The following PCSK5 variants were observed in gnomAD, a reference collection of about 807,000 sequenced individuals.
The protein encoded by PCSK5 is prohormone convertase 5.
In PCSK5, 129 loss-of-function variants were observed where a neutral mutation model predicts 233.2. The observed-to-expected ratio is 0.55, with a 90% CI of 0.48 to 0.64. PCSK5 has a LOEUF of 0.64. Ranked by LOEUF, PCSK5 falls within the 30% of genes least tolerant of loss-of-function variation. PCSK5 has a pLI of 0.00. For missense variants in PCSK5, 2,076 were observed against 2,430.1 expected, an observed-to-expected ratio of 0.85 and a Z score of 3.06; for synonymous variants, 825 against 879.2, an observed-to-expected ratio of 0.94 and a Z score of 1.09.
intron 8 of PCSK5, among the ~76,000 whole-genome samples, chr9:76,100,904 G>C (rs1297064204): frequency 1.3e-5 from 2 of 152,002 alleles, no homozygotes; most frequent in Admixed American, 1.3e-4. Flanking sequence ...TTCAAACCAG[G>C]GCTTCCTGAT....
At chr9:76,167,427 G>A (rs551076144) in intron 12 of PCSK5, among the ~76,000 whole-genome samples, 3 of 152,268 alleles carry the variant, frequency 2.0e-5, no homozygotes, top group South Asian at 2.1e-4. Flanking sequence ...GACCATGGGA[G>A]ACCTGAGAAT....
intron 21 of PCSK5, among the ~76,000 whole-genome samples, chr9:76,230,219 A>G (rs1826034087): frequency 1.3e-5 from 2 of 152,172 alleles, no homozygotes; most frequent in African/African-American, 4.8e-5. Context: ...GCCTTCACTT[A>G]AGCATAACTG....
chr9:76,362,558 A>G lies in PCSK5; in HGVS notation c.*3636A>G, dbSNP rs1046147845. Among the ~76,000 whole-genome samples, 1 of 152,162 alleles carries G rather than the reference A, an allele frequency of 6.6e-6. No individual in the cohort carries two copies. The highest frequency in any genetic ancestry group is 6.6e-5 in the Admixed American group (1 of 15,266). On this transcript the variant is annotated 3_prime_UTR_variant, in exon 38 of 38. Coordinates refer to ENST00000674117, the MANE Select transcript of PCSK5 (RefSeq NM_001372043.1). Reference sequence around the variant, plus strand: ...TGCCTCATCAGCACTGCCTCAATCTAAGGGAGGAAACCACCCCTCATATTG... The same window carrying G: ...TGCCTCATCAGCACTGCCTCAATCTGAGGGAGGAAACCACCCCTCATATTG...
At chr9:76,127,645 G>A (rs953798995) in intron 9 of PCSK5, among the ~76,000 whole-genome samples, 1 of 152,208 alleles carries the variant, frequency 6.6e-6, no homozygotes, top group African/African-American at 2.4e-5. Context: ...GAACATTGCA[G>A]AAAACTTAGC....
chr9:76,200,864 C>G (rs73460326), intron 20 of PCSK5, among the ~76,000 whole-genome samples: 2,289 of 152,268 alleles, frequency 0.015, 69 homozygotes, highest in African/African-American at 0.052. Flanking sequence ...CCTCCACCCT[C>G]TTGTCATCAA....
At chr9:76,125,273 G>T (rs1378456650) in intron 9 of PCSK5, among the ~76,000 whole-genome samples, 4 of 152,174 alleles carry the variant, frequency 2.6e-5, no homozygotes, top group African/African-American at 9.6e-5. Context: ...TCCCTCTGAA[G>T]TGAGAAGATC....
chr9:76,354,611 C>G (rs578256963), intron 37 of PCSK5, among the ~76,000 whole-genome samples: 3 of 152,068 alleles, frequency 2.0e-5, no homozygotes, highest in Non-Finnish European at 4.4e-5. Flanking sequence ...AAATCCCTCT[C>G]TACTAAAAAT....
intron 7 of PCSK5, 23 bp downstream of exon 7, chr9:76,071,921 C>T (rs370460770): frequency 2.4e-5 from 39 of 1,604,204 alleles, no homozygotes; most frequent in Middle Eastern, 3.3e-4. Flanking sequence ...AGCATGGAGG[C>T]TTATACTGTG....
At chr9:75,945,082 C>T (rs1242538294) in intron 2 of PCSK5, among the ~76,000 whole-genome samples, 1 of 151,232 alleles carries the variant, frequency 6.6e-6, no homozygotes, top group African/African-American at 2.4e-5. Flanking sequence ...GCACTCCAGC[C>T]CGGGCAACAA....
At chr9:75,908,054 G>C (rs2131219348) in intron 1 of PCSK5, among the ~76,000 whole-genome samples, 1 of 152,350 alleles carries the variant, frequency 6.6e-6, no homozygotes, top group Middle Eastern at 3.4e-3. Flanking sequence ...ATTAAGCCCT[G>C]CAGGTCAGTC....
chr9:75,908,217 T>C (rs533586548), intron 1 of PCSK5, among the ~76,000 whole-genome samples: 10 of 152,320 alleles, frequency 6.6e-5, no homozygotes, highest in African/African-American at 2.2e-4. Flanking sequence ...TCAGTAGAGA[T>C]GAGTCTCCCC....
At chr9:76,181,359 T>C in intron 15 of PCSK5, 39 bp from the exon 16 acceptor site, 8 of 1,569,376 alleles carry the variant, frequency 5.1e-6, no homozygotes, top group Non-Finnish European at 7.0e-6. Context: ...ACTGGTTTGC[T>C]CATGACGCTG....
chr9:75,976,270 GACA>G (rs1826008058), intron 2 of PCSK5, among the ~76,000 whole-genome samples: 1 of 107,502 alleles, frequency 9.3e-6, no homozygotes, highest in African/African-American at 4.1e-5. Context: ...CATACACACA[GACA>G]CCACACACAC....
chr9:76,049,635 G>T (rs1469014251), intron 5 of PCSK5, among the ~76,000 whole-genome samples: 2 of 152,168 alleles, frequency 1.3e-5, no homozygotes, highest in African/African-American at 2.4e-5. Flanking sequence ...GAAGTGTATT[G>T]CAGAAGAAGC....
At chr9:76,121,497 A>G (rs1314826808) in intron 9 of PCSK5, among the ~76,000 whole-genome samples, 1 of 152,222 alleles carries the variant, frequency 6.6e-6, no homozygotes, top group Non-Finnish European at 1.5e-5. Context: ...CCTACAGCAG[A>G]TAAATAGCAT....
At chr9:75,994,701 C>T (rs953810973) in intron 3 of PCSK5, among the ~76,000 whole-genome samples, 3 of 151,952 alleles carry the variant, frequency 2.0e-5, no homozygotes, top group Admixed American at 6.5e-5. Flanking sequence ...GGATTACAGG[C>T]GTGAGCCAGT....
chr9:76,052,533 A>G (rs528677781), intron 5 of PCSK5, among the ~76,000 whole-genome samples: 1 of 152,282 alleles, frequency 6.6e-6, no homozygotes, highest in Non-Finnish European at 1.5e-5. Context: ...AGCATGGGAA[A>G]AAATCCACCC....
intron 1 of PCSK5, among the ~76,000 whole-genome samples, chr9:75,905,304 T>C (rs1476379773): frequency 6.6e-6 from 1 of 152,056 alleles, no homozygotes; most frequent in Non-Finnish European, 1.5e-5. Flanking sequence ...AGGCTAGAAG[T>C]TCAAGACCAG....
In PCSK5 at chr9:76,089,318, G is replaced by A. The variant is rs569089305; in HGVS notation, c.895-6572G>A. The stretch of plus-strand genomic sequence containing the variant: ...TGAGGCGGTGCTTGCGAGACATCAC[G>A]GATGAGTGGAAGTGCCTCATTCCAA... On this transcript the variant is annotated intron_variant, in intron 7 of 37. Transcript: ENST00000674117. Among the ~76,000 whole-genome samples, 46 of 152,182 alleles carry A rather than the reference G, an allele frequency of 3.0e-4. No homozygotes were observed. The South Asian group carries it at 7.5e-3, about 25-fold the overall frequency.
Sources: allele counts gnomAD v4.1 joint callset (sites outside exome capture counted in the v4.1 genomes callset), GRCh38; gene constraint gnomAD v4.1.1; transcripts MANE v1.5; gene names NCBI Gene and HGNC (gene_info 2026-07-23, HGNC 2026-07-21).